MAPRE2: variants seen among roughly 807,000 people sequenced by gnomAD.
MAPRE2 encodes microtubule-associated protein RP/EB family member 2.
MAPRE2 carries 13 observed loss-of-function variants against 43.2 expected under a neutral mutation model. The observed-to-expected ratio is 0.30, with a 90% CI of 0.20 to 0.48. The LOEUF is 0.48. Ranked by LOEUF, MAPRE2 falls within the 20% of genes least tolerant of loss-of-function variation. The pLI, the probability that MAPRE2 is intolerant of heterozygous loss-of-function variation, is 0.99. For synonymous variants in MAPRE2, 135 were observed against 148.8 expected (o/e 0.91, Z 0.68); for missense variants, 161 against 400.2 (o/e 0.40, Z 5.10).
chr18:35,124,626 T>C (rs1463746458), intron 4 of MAPRE2, among the ~76,000 whole-genome samples: 2 of 152,186 alleles, frequency 1.3e-5, no homozygotes, highest in African/African-American at 2.4e-5. Context: ...TTAACAAATA[T>C]GTGTGTAAGG....
chr18:35,080,222 T>C (rs1048763668), intron 2 of MAPRE2, among the ~76,000 whole-genome samples: 1 of 152,240 alleles, frequency 6.6e-6, no homozygotes, highest in African/African-American at 2.4e-5. Context: ...ATCATTTTGA[T>C]ATTCTACACA....
chr18:35,025,268 G>C (rs756737119), intron 2 of MAPRE2, among the ~76,000 whole-genome samples: 1 of 152,350 alleles, frequency 6.6e-6, no homozygotes, highest in African/African-American at 2.4e-5. Flanking sequence ...TGCAGAATGT[G>C]AAGCTGCTGT....
At chr18:35,006,475 A>G (rs954841639) in intron 2 of MAPRE2, among the ~76,000 whole-genome samples, 1 of 152,266 alleles carries the variant, frequency 6.6e-6, no homozygotes, top group Non-Finnish European at 1.5e-5. Context: ...TCAAATCATG[A>G]ATAATATACC....
At chr18:34,983,818 T>C (rs906768993) in intron 1 of MAPRE2, among the ~76,000 whole-genome samples, 1 of 152,046 alleles carries the variant, frequency 6.6e-6, no homozygotes, top group Non-Finnish European at 1.5e-5. Context: ...TTGGTAGAGA[T>C]GAGGTTTCAC....
At chr18:35,024,774 C>T (rs1250991425) in intron 2 of MAPRE2, among the ~76,000 whole-genome samples, 1 of 152,180 alleles carries the variant, frequency 6.6e-6, no homozygotes, top group African/African-American at 2.4e-5. Context: ...TCTCTCATTG[C>T]TATAGGACAT....
intron 1 of MAPRE2, among the ~76,000 whole-genome samples, chr18:35,052,497 A>G (rs996871481): frequency 6.6e-6 from 1 of 152,160 alleles, no homozygotes; most frequent in Admixed American, 6.5e-5. Context: ...TCCAGTTTTT[A>G]GGAATTATGA....
chr18:35,075,092 C>T (rs994851903), intron 2 of MAPRE2, among the ~76,000 whole-genome samples: 6 of 152,078 alleles, frequency 3.9e-5, no homozygotes, highest in Non-Finnish European at 8.8e-5. Context: ...TTTGTTCTTC[C>T]AGGAGAGCTT....
intron 1 of MAPRE2, among the ~76,000 whole-genome samples, chr18:34,992,419 T>C (rs1209459096): frequency 6.6e-6 from 1 of 152,234 alleles, no homozygotes; most frequent in East Asian, 1.9e-4. Context: ...TTGAACTGAT[T>C]GTCAAGGGAC....
upstream of MAPRE2, among the ~76,000 whole-genome samples, chr18:35,039,799 T>TGAGTC (rs1479664673): frequency 6.6e-6 from 1 of 152,020 alleles, no homozygotes; most frequent in African/African-American, 2.4e-5. Flanking sequence ...TGTGAAGGAG[T>TGAGTC]GAGTCATAGC....
At chr18:35,110,176 T>C (rs1909115383) in intron 4 of MAPRE2, among the ~76,000 whole-genome samples, 2 of 152,150 alleles carry the variant, frequency 1.3e-5, no homozygotes, top group African/African-American at 4.8e-5. Context: ...GTTATAACTT[T>C]TGCTTTAAAC....
chr18:35,123,374 T>C (rs1268205997), intron 4 of MAPRE2, among the ~76,000 whole-genome samples: 2 of 152,214 alleles, frequency 1.3e-5, no homozygotes, highest in Non-Finnish European at 2.9e-5. Flanking sequence ...AGCTCAGTTA[T>C]TGCAACGACT....
chr18:35,133,372 G>A (rs995054230), intron 6 of MAPRE2, among the ~76,000 whole-genome samples: 1 of 151,812 alleles, frequency 6.6e-6, no homozygotes, highest in African/African-American at 2.4e-5. Context: ...CATAAAATAC[G>A]GTTCTCAGTA....
chr18:34,993,647 C>T (rs1405968274), intron 1 of MAPRE2, among the ~76,000 whole-genome samples: 1 of 152,084 alleles, frequency 6.6e-6, no homozygotes, highest in East Asian at 1.9e-4. Flanking sequence ...AAAGTTAATG[C>T]CAAATGATGC....
intron 2 of MAPRE2, among the ~76,000 whole-genome samples, chr18:35,095,406 A>G (rs1323153613): frequency 6.8e-6 from 1 of 147,736 alleles, no homozygotes. Flanking sequence ...ACACACGCAC[A>G]CACACACTCC....
intron 2 of MAPRE2, among the ~76,000 whole-genome samples, chr18:35,015,494 G>A (rs2097037580): frequency 6.6e-6 from 1 of 152,050 alleles, no homozygotes; most frequent in Non-Finnish European, 1.5e-5. Flanking sequence ...CATATAGTTA[G>A]TAAGTGGTAG....
At chr18:35,088,075 T>C (rs1316816939) in intron 2 of MAPRE2, among the ~76,000 whole-genome samples, 1 of 152,232 alleles carries the variant, frequency 6.6e-6, no homozygotes, top group African/African-American at 2.4e-5. Context: ...GTCCTACCTC[T>C]TAATTACCAT....
upstream of MAPRE2, among the ~76,000 whole-genome samples, chr18:35,038,173 A>G (rs2097051654): frequency 6.6e-6 from 1 of 152,124 alleles, no homozygotes; most frequent in Non-Finnish European, 1.5e-5. Context: ...CCTCTGCTGT[A>G]AAGACACTCC....
At chr18:35,014,462 A>G (rs1372561417) in intron 2 of MAPRE2, among the ~76,000 whole-genome samples, 6 of 151,140 alleles carry the variant, frequency 4.0e-5, no homozygotes, top group Non-Finnish European at 7.4e-5. Flanking sequence ...TAAAAATTGT[A>G]TAAAAGCTCT....
At chr18:34,977,318 T>A (rs2097013720) in intron 1 of MAPRE2, among the ~76,000 whole-genome samples, 1 of 152,100 alleles carries the variant, frequency 6.6e-6, no homozygotes, top group African/African-American at 2.4e-5. Context: ...ACATCTCTGG[T>A]TCGGTGCCCC....
Sources: gnomAD v4.1 joint callset for allele counts (sites outside exome capture counted in the v4.1 genomes callset) on GRCh38, gnomAD v4.1.1 for gene constraint, MANE v1.5 for transcripts, NCBI Gene and HGNC (gene_info 2026-07-23, HGNC 2026-07-21) for gene names.